The following CCDC92 variants were observed in gnomAD, a reference collection of about 807,000 sequenced individuals.
The protein encoded by CCDC92 is coiled-coil domain-containing protein 92.
A neutral mutation model predicts 24.9 loss-of-function variants in CCDC92; 12 were observed. That is an observed-to-expected ratio of 0.48 (90% CI 0.31 to 0.78). The LOEUF is 0.78. Ranked by LOEUF, CCDC92 falls within the 30% of genes least tolerant of loss-of-function variation. The pLI, the probability that CCDC92 is intolerant of heterozygous loss-of-function variation, is 0.05. For synonymous variants in CCDC92, 193 were observed against 196.3 expected, an observed-to-expected ratio of 0.98 and a Z score of 0.14; for missense variants, 399 against 439.4, an observed-to-expected ratio of 0.91 and a Z score of 0.82.
chr12:123,956,437 T>C (rs1956152665), intron 1 of CCDC92: 1 of 152,220 alleles, frequency 6.6e-6, no homozygotes, highest in Non-Finnish European at 1.5e-5. Context: ...CTCCGCAAAC[T>C]TCCTGTGCTG....
rs558222541 is a variant in CCDC92, at chr12:123,945,265, C to T, written c.-59-901G>A. ...CAAGCAGGGCTTTCCTCAGTGGAGCCGTGAGCAGCATTCCGGCAGGAGTGA... is the reference window on the plus strand; with the variant it reads ...CAAGCAGGGCTTTCCTCAGTGGAGCTGTGAGCAGCATTCCGGCAGGAGTGA... On this transcript the variant is annotated intron_variant, in intron 1 of 4. Transcript: ENST00000238156. 4.6e-5 allele frequency: 7 copies of T among 152,304 alleles called. No individual in the cohort carries two copies. In the East Asian group the frequency reaches 7.7e-4, roughly 17 times the overall value. The allele number at this position is 152,304 out of a possible 1,614,324, so 9.4% of individuals were successfully genotyped here.
chr12:123,967,865 T>A (rs1286504349), intron 1 of CCDC92, among the ~76,000 whole-genome samples: 2 of 152,230 alleles, frequency 1.3e-5, no homozygotes, highest in Non-Finnish European at 2.9e-5. Context: ...TAAACTCTCT[T>A]ACCTGCATAG....
chr12:123,970,799 C>A (rs1364589343), intron 1 of CCDC92, among the ~76,000 whole-genome samples: 3 of 152,154 alleles, frequency 2.0e-5, no homozygotes, highest in Admixed American at 6.5e-5. Flanking sequence ...ACTTTTCTTG[C>A]CAGAAATACG....
At chr12:123,968,466 T>C (rs2138223175) in intron 1 of CCDC92, 1 of 152,348 alleles carries the variant, frequency 6.6e-6, no homozygotes, top group Middle Eastern at 3.4e-3. Context: ...CTGGTAATAA[T>C]ATTTAAGTAG....
At chr12:123,947,904 C>T (rs1594470559) in intron 1 of CCDC92, among the ~76,000 whole-genome samples, 1 of 152,222 alleles carries the variant, frequency 6.6e-6, no homozygotes, top group African/African-American at 2.4e-5. Context: ...TGAGCTGTAA[C>T]ACTCACTGCG....
At chr12:123,951,785 A>G (rs1956032627) in intron 1 of CCDC92, among the ~76,000 whole-genome samples, 2 of 152,256 alleles carry the variant, frequency 1.3e-5, no homozygotes, top group Non-Finnish European at 2.9e-5. Flanking sequence ...AAGGCTGGCC[A>G]GAGAACAAAG....
At chr12:123,960,424 G>A (rs1956245773) in intron 1 of CCDC92, among the ~76,000 whole-genome samples, 1 of 152,224 alleles carries the variant, frequency 6.6e-6, no homozygotes, top group Admixed American at 6.5e-5. Flanking sequence ...GAAAATGTGG[G>A]CTTGCTCAGG....
Position 123,936,836 on chromosome 12 carries a change from G to A in CCDC92, c.*222C>T, listed in dbSNP as rs111368060. On this transcript the variant is annotated 3_prime_UTR_variant, in exon 5 of 5. Transcript: ENST00000238156. ...GAGCGGGATCAGAAGCAAGCGATTC[G>A]GCACACAGGCGTTTGGCCACAGCAA... 102 of 616,990 alleles carry A rather than the reference G, an allele frequency of 1.7e-4. 1 individual carries two copies. Among genetic ancestry groups the A allele is most frequent in the Non-Finnish European group, 7.6e-5 (27 of 354,546 alleles). The allele number at this position is 616,990 out of a possible 1,614,324, so 38.2% of individuals were successfully genotyped here.
At chr12:123,958,156 C>T (rs904174308) in intron 1 of CCDC92, among the ~76,000 whole-genome samples, 1 of 152,130 alleles carries the variant, frequency 6.6e-6, no homozygotes, top group Non-Finnish European at 1.5e-5. Context: ...CGAGTTCAAG[C>T]GATTCTCCTG....
At chr12:123,947,362 T>G (rs1439313580) in intron 1 of CCDC92, among the ~76,000 whole-genome samples, 1 of 152,210 alleles carries the variant, frequency 6.6e-6, no homozygotes, top group Non-Finnish European at 1.5e-5. Context: ...GGCGCGGGAC[T>G]GGCAGGCAGC....
chr12:123,942,855 C>A (rs1955729500), intron 3 of CCDC92, 70 bp from the exon 4 acceptor site: 5 of 1,271,328 alleles, frequency 3.9e-6, no homozygotes, highest in Non-Finnish European at 5.8e-6. Flanking sequence ...TTTGAAAATG[C>A]AAAACCGATT....
At chr12:123,948,139 C>T (rs140024649) in intron 1 of CCDC92, among the ~76,000 whole-genome samples, 4 of 152,276 alleles carry the variant, frequency 2.6e-5, no homozygotes, top group African/African-American at 7.2e-5. Flanking sequence ...TCAAAGAAAA[C>T]GGGATATACT....
At chr12:123,963,523 C>A (rs1204560089) in intron 1 of CCDC92, among the ~76,000 whole-genome samples, 1 of 152,186 alleles carries the variant, frequency 6.6e-6, no homozygotes, top group African/African-American at 2.4e-5. Flanking sequence ...ACTGGATCAG[C>A]ATTTCCTTGC....
intron 1 of CCDC92, chr12:123,960,800 T>C (rs1168333140): frequency 6.6e-6 from 1 of 152,242 alleles, no homozygotes; most frequent in Non-Finnish European, 1.5e-5. Flanking sequence ...AAAAGTGCAC[T>C]GTCCCATGAA....
At chr12:123,941,458 G>A (rs1345274862) in intron 4 of CCDC92, among the ~76,000 whole-genome samples, 6 of 152,182 alleles carry the variant, frequency 3.9e-5, no homozygotes, top group Admixed American at 2.6e-4. Context: ...ATCAGTGCTC[G>A]GTAATCCACT....
intron 1 of CCDC92, among the ~76,000 whole-genome samples, chr12:123,965,252 G>C (rs1003802980): frequency 6.6e-6 from 1 of 152,140 alleles, no homozygotes; most frequent in African/African-American, 2.4e-5. Context: ...ATATAGTGAG[G>C]TCTATCAATA....
In CCDC92 at chr12:123,937,982, C is replaced by T. The variant is rs779727501; in HGVS notation, c.224-152G>A. ...AGGGCTGTGGGGGCTCTGGAAAGAC[C>T]CCTCCCCTCCCCGAGGTGGGGAGAT... On this transcript the variant is annotated intron_variant, in intron 4 of 4. Transcript: ENST00000238156. This position sits in a 1 kb window ranked among gnomAD's most constrained non-coding sequence, Gnocchi z 8.4. 5.0e-5 allele frequency: 37 copies of T among 736,666 alleles called. No individual in the cohort carries two copies. The highest frequency in any genetic ancestry group is 7.0e-5 in the Non-Finnish European group (32 of 458,690). The allele number at this position is 736,666 out of a possible 1,614,324, so 45.6% of individuals were successfully genotyped here.
chr12:123,960,047 C>T (rs1019535897), intron 1 of CCDC92, among the ~76,000 whole-genome samples: 11 of 152,218 alleles, frequency 7.2e-5, no homozygotes, highest in African/African-American at 1.9e-4. Flanking sequence ...TTTATGTCTT[C>T]GTAGCATTTA....
At chr12:123,963,107 CA>C (rs918459387) in intron 1 of CCDC92, among the ~76,000 whole-genome samples, 3 of 152,078 alleles carry the variant, frequency 2.0e-5, no homozygotes, top group East Asian at 3.8e-4. Context: ...TGGGCAGGGC[CA>C]GGGGTGCTGC....
Sources: allele counts gnomAD v4.1 joint callset (sites outside exome capture counted in the v4.1 genomes callset), GRCh38; gene constraint gnomAD v4.1.1; non-coding constraint Gnocchi (gnomAD v3.1); transcripts MANE v1.5; gene names NCBI Gene and HGNC (gene_info 2026-07-23, HGNC 2026-07-21).